Variants in IDH2 observed in about 807,000 individuals in gnomAD.
IDH2 encodes the protein isocitrate dehydrogenase [NADP], mitochondrial.
Under a neutral mutation model 50.5 loss-of-function variants are expected in IDH2, and 18 were observed. The observed-to-expected ratio is 0.36, with a 90% confidence interval of 0.25 to 0.53. The LOEUF is 0.53. IDH2 is among the 20% of genes least tolerant of loss of function. The probability of loss-of-function intolerance (pLI) is 0.92; values close to 1 mark genes in which losing one functional copy is unlikely to be tolerated. For missense variants in IDH2, 518 were observed against 610.7 expected, an observed-to-expected ratio of 0.85 and a Z score of 1.60; for synonymous variants, 280 against 239.8, an observed-to-expected ratio of 1.17 and a Z score of -1.55.
In IDH2 at chr15:90,087,447, G is replaced by T. The variant is rs1900890221; in HGVS notation, c.807C>A (p.Ile269=). ...CATGGATGAGGCTTTACTTGTCAAA[G>T]ATCTCCTGGAAGATGTCCTTGAAAC... ...DGRFKDIFQE[I]FDKHYKTDFD... The change falls in exon 6 of 11, where the codon ATC becomes ATA. Residue 269 remains isoleucine (I), a synonymous_variant. Transcript: ENST00000330062. 1.2e-6 allele frequency: 2 copies of T among 1,614,188 alleles called. No individual in the cohort carries two copies. Among genetic ancestry groups the T allele is most frequent in the East Asian group, 4.5e-5 (2 of 44,886 alleles).
chr15:90,083,358 C>T lies in IDH2; in HGVS notation c.*908G>A, dbSNP rs911893854. 8 of 152,072 alleles carry T rather than the reference C, an allele frequency of 5.3e-5. No homozygotes were observed. Among genetic ancestry groups the T allele is most frequent in the African/African-American group, 1.9e-4 (8 of 41,362 alleles). 9.4% of individuals were successfully genotyped at this position (152,072 alleles called of 1,614,324 possible). A position where few individuals can be genotyped will look rare whatever the true frequency, so the allele number is the denominator to read the frequency against. ...ATGTTGGCCAGGCTGGTCTCGAACTCCTGGCCTCAAGTGATCCACCCACCT... is the reference window on the plus strand; with the variant it reads ...ATGTTGGCCAGGCTGGTCTCGAACTTCTGGCCTCAAGTGATCCACCCACCT... On this transcript the variant is annotated 3_prime_UTR_variant, in exon 11 of 11. Coordinates refer to ENST00000330062, the MANE Select transcript of IDH2 (RefSeq NM_002168.4).
At chr15:90,099,719 A>G (rs768122828) in intron 1 of IDH2, among the ~76,000 whole-genome samples, 29 of 152,040 alleles carry the variant, frequency 1.9e-4, no homozygotes, top group Non-Finnish European at 3.5e-4. Flanking sequence ...CAGCCCCCCA[A>G]AATTCTGGGA....
chr15:90,092,921 C>T lies in IDH2; in HGVS notation c.116-1277G>A, dbSNP rs536585279. On this transcript the variant is annotated intron_variant, in intron 1 of 10. Transcript: ENST00000330062. ...GTAGAGATGGAGTCTTGCCCTGTTG[C>T]CCAGGCTGGCTGGACTCCCCACCCC... 8.8e-4 allele frequency among the ~76,000 whole-genome samples: 134 copies of T among 152,292 alleles called. No individual in the cohort carries two copies. In the South Asian group the frequency reaches 0.015, roughly 17 times the overall value.
At position 90,096,201 on chromosome 15, in the gene IDH2, G is replaced by A. The variant is rs1241545310; in HGVS notation, c.116-4557C>T. Among the ~76,000 whole-genome samples the A allele has an allele frequency of 5.3e-5, 8 of 152,184 alleles. No homozygotes were observed. In the East Asian group the frequency reaches 1.4e-3, roughly 26 times the overall value. On this transcript the variant is annotated intron_variant, in intron 1 of 10. Transcript: ENST00000330062. Reference sequence around the variant, plus strand: ...TGTAGTCCCAGCTATTTGGGAGGCTGAGGCAGGAGAATTGCTTGAACCCAG... The same window carrying A: ...TGTAGTCCCAGCTATTTGGGAGGCTAAGGCAGGAGAATTGCTTGAACCCAG...
rs535989837 is a variant in IDH2, at chr15:90,085,610, T to G, written c.968-223A>C. Among the ~76,000 whole-genome samples, 1 of 152,112 alleles carries G rather than the reference T, an allele frequency of 6.6e-6. No individual in the cohort carries two copies. The highest frequency in any genetic ancestry group is 1.5e-5 in the Non-Finnish European group (1 of 68,008). On this transcript the variant is annotated intron_variant, in intron 7 of 10. Transcript: ENST00000330062. The surrounding 1 kb of genome is among the most constrained non-coding windows in gnomAD (Gnocchi z 5.5). ...GCTGGAGGGCACTGGAGGGTGGCTA[T>G]CACCAGCACATTAACATCCATCTGT...
In IDH2 at chr15:90,083,814, C is replaced by T; in HGVS notation, c.*452G>A. On this transcript the variant is annotated 3_prime_UTR_variant, in exon 11 of 11. Transcript: ENST00000330062. ...GAGTGTCCGAGAACTCCGCAGTGGG[C>T]CCCTGTGGAATGCGGGCTCCCAGGG... The T allele has an allele frequency of 3.7e-6, 1 of 267,432 alleles. No homozygotes were observed. Among genetic ancestry groups the T allele is most frequent in the Non-Finnish European group, 7.3e-6 (1 of 137,536 alleles). 16.6% of individuals were successfully genotyped at this position (267,432 alleles called of 1,614,324 possible).
chr15:90,098,795 C>T lies in IDH2; in HGVS notation c.115+3481G>A, dbSNP rs146433569. 3.6e-3 allele frequency among the ~76,000 whole-genome samples: 543 copies of T among 152,244 alleles called. 3 individuals are homozygous for T. Among genetic ancestry groups the T allele is most frequent in the African/African-American group, 0.012 (511 of 41,546 alleles). On this transcript the variant is annotated intron_variant, in intron 1 of 10. Transcript: ENST00000330062. The surrounding 1 kb of genome is among the most constrained non-coding windows in gnomAD (Gnocchi z 5.1). The stretch of plus-strand genomic sequence containing the variant: ...CTGGCCCCAACTGATCCGCCTGCTT[C>T]GGCCTCCCAAAGTCCTGGGAGCCAC...
In IDH2 at chr15:90,084,911, A is replaced by T. The variant is rs772170724; in HGVS notation, c.1179-3T>A. 2 of 1,613,670 alleles carry T rather than the reference A, an allele frequency of 1.2e-6. No individual in the cohort carries two copies. Among genetic ancestry groups the T allele is most frequent in the Admixed American group, 1.7e-5 (1 of 60,012 alleles). On this transcript the variant is annotated splice_polypyrimidine_tract_variant and splice_region_variant and intron_variant, in intron 9 of 10. Transcript: ENST00000330062. The surrounding 1 kb of genome is among the most constrained non-coding windows in gnomAD (Gnocchi z 5.0). ...CCTTCTCCAGCATCTGGGCAAACCTATGGGGATGGGGCAGAATGAGACCCC... is the reference window on the plus strand; with the variant it reads ...CCTTCTCCAGCATCTGGGCAAACCTTTGGGGATGGGGCAGAATGAGACCCC...
rs757465848 is a variant in IDH2, at chr15:90,085,149, G to C, written c.1081-51C>G. 3 of 1,582,732 alleles carry C rather than the reference G, an allele frequency of 1.9e-6. No homozygotes were observed. Among genetic ancestry groups the C allele is most frequent in the African/African-American group, 2.7e-5 (2 of 74,312 alleles). ...CAAGAGCCGAGCCAGCTAGTGAGGA[G>C]GCTGCCCAGATACAGCTGCCCGCCC... On this transcript the variant is annotated intron_variant, in intron 8 of 10. Transcript: ENST00000330062. This position sits in a 1 kb window ranked among gnomAD's most constrained non-coding sequence, Gnocchi z 5.5.
chr15:90,087,855 T>TA (rs1256407629), intron 5 of IDH2, among the ~76,000 whole-genome samples: 1 of 135,618 alleles, frequency 7.4e-6, no homozygotes, highest in Non-Finnish European at 1.5e-5. Flanking sequence ...AGCACCGCCT[T>TA]AGACTACATG....
rs199610360 is a variant in IDH2, at chr15:90,088,522, G to T, written c.535-20C>A. On this transcript the variant is annotated intron_variant, in intron 4 of 10. Coordinates refer to ENST00000330062, the MANE Select transcript of IDH2 (RefSeq NM_002168.4). ...CTTGTACTGCAGAGACAAGAGGATG[G>T]CTAGGCGAGGAGCTCCAGTCGGGGG... is the stretch of plus-strand genomic sequence containing the variant. 4 of 1,614,220 alleles carry T rather than the reference G, an allele frequency of 2.5e-6. No homozygotes were observed. Among genetic ancestry groups the T allele is most frequent in the East Asian group, 4.5e-5 (2 of 44,886 alleles).
In IDH2 at chr15:90,088,604, G is replaced by A. The variant is rs2151549550; in HGVS notation, c.517C>T (p.His173Tyr). Residue 173 changes from histidine to tyrosine, a missense_variant, in exon 4 of 11, where the codon CAC (histidine) becomes TAC (tyrosine). Physicochemically the swap from His to Tyr is moderately conservative, Grantham distance 83. Around this residue, in one of 5 missense-constraint regions of IDH2, gnomAD observed 207 missense variants for 208.6 expected, o/e 0.99. Coordinates refer to ENST00000330062, the MANE Select transcript of IDH2 (RefSeq NM_002168.4). ...GWTKPITIGR[H>Y]AHGDQYKATD... ...TGGCCTACCTGGTCGCCATGGGCGT[G>A]CCTGCCAATGGTGATGGGCTTGGTC... 6.2e-7 allele frequency: 1 copy of A among 1,614,248 alleles called. No homozygotes were observed. The highest frequency in any genetic ancestry group is 8.5e-7 in the Non-Finnish European group (1 of 1,180,046).
rs1555462236 is a variant in IDH2 at position 90,098,523 on chromosome 15, T to TATGTATGCATGCATGTATGTATGTATGC, written c.115+3752_115+3753insGCATACATACATACATGCATGCATACAT. Among the ~76,000 whole-genome samples the TATGTATGCATGCATGTATGTATGTATGC allele has an allele frequency of 1.4e-3, 123 of 90,212 alleles. 1 individual carries two copies. Among genetic ancestry groups the TATGTATGCATGCATGTATGTATGTATGC allele is most frequent in the Non-Finnish European group, 3.1e-3 (102 of 32,792 alleles). The allele number at this position is 90,212 out of a possible 152,430, so 59.2% of individuals were successfully genotyped here. ...TATTTTATGTATGTATGTATGTATG[T>TATGTATGCATGCATGTATGTATGTATGC]ATGCATGCATGTATGTATGTATGTA... On this transcript the variant is annotated intron_variant, in intron 1 of 10. Transcript: ENST00000330062. The surrounding 1 kb of genome is among the most constrained non-coding windows in gnomAD (Gnocchi z 5.1).
intron 1 of IDH2, among the ~76,000 whole-genome samples, chr15:90,101,839 G>A (rs1415517553): frequency 1.3e-5 from 2 of 151,918 alleles, no homozygotes; most frequent in Non-Finnish European, 2.9e-5. Flanking sequence ...CCCAGCCTTT[G>A]TCTGAGCAGG....
At position 90,098,531 on chromosome 15, in the gene IDH2, CATGTATGT is replaced by C. The variant is rs1555462242; in HGVS notation, c.115+3737_115+3744del. Among the ~76,000 whole-genome samples the C allele has an allele frequency of 3.6e-5, 5 of 138,468 alleles. No individual in the cohort carries two copies. The highest frequency in any genetic ancestry group is 1.4e-4 in the African/African-American group (5 of 36,834). The allele number at this position is 138,468 out of a possible 152,430, so 90.8% of individuals were successfully genotyped here. ...GTATGTATGTATGTATGTATGCATG[CATGTATGT>C]ATGTATGTATGTATGTATGTATTGA... On this transcript the variant is annotated intron_variant, in intron 1 of 10. Coordinates refer to ENST00000330062, the MANE Select transcript of IDH2 (RefSeq NM_002168.4). The surrounding 1 kb of genome is among the most constrained non-coding windows in gnomAD (Gnocchi z 5.1).
rs541648668 is a variant in IDH2, at chr15:90,083,765, A to C, written c.*501T>G. 9.9e-6 allele frequency: 2 copies of C among 202,930 alleles called. No homozygotes were observed. Among genetic ancestry groups the C allele is most frequent in the African/African-American group, 4.6e-5 (2 of 43,194 alleles). 12.6% of individuals were successfully genotyped at this position (202,930 alleles called of 1,614,324 possible). Reference sequence around the variant, plus strand: ...AAACTGGATCATGCTAGAAAATTCCAGGGAACCCACAGGCCTGTGCCCTGA... The same window carrying C: ...AAACTGGATCATGCTAGAAAATTCCCGGGAACCCACAGGCCTGTGCCCTGA... On this transcript the variant is annotated 3_prime_UTR_variant, in exon 11 of 11. Transcript: ENST00000330062.
chr15:90,085,396 T>C lies in IDH2; in HGVS notation c.968-9A>G. On this transcript the variant is annotated splice_polypyrimidine_tract_variant and intron_variant, in intron 7 of 10. Transcript: ENST00000330062. The surrounding 1 kb of genome is among the most constrained non-coding windows in gnomAD (Gnocchi z 5.5). ...GCCAAGGGAGCCAAAGCCTGGAGGG[T>C]AGAAAGCCTTTCTCTCAGGGCCTCG... 1 of 1,545,168 alleles carries C rather than the reference T, an allele frequency of 6.5e-7. No homozygotes were observed. The highest frequency in any genetic ancestry group is 1.2e-5 in the South Asian group (1 of 84,004).
intron 5 of IDH2, among the ~76,000 whole-genome samples, chr15:90,087,777 G>GA (rs1205895079): frequency 1.5e-5 from 2 of 130,052 alleles, no homozygotes; most frequent in African/African-American, 6.0e-5. Flanking sequence ...GTAAAACACC[G>GA]CCTTTTTTTT....
chr15:90,098,563 G>T lies in IDH2; in HGVS notation c.115+3713C>A, dbSNP rs78475710. On this transcript the variant is annotated intron_variant, in intron 1 of 10. Transcript: ENST00000330062. The surrounding 1 kb of genome is among the most constrained non-coding windows in gnomAD (Gnocchi z 5.1). ...GTATGTATGTATGTATGTATGTATTGAGACAGAGTCTCACTCTGTCGCCTA... is the reference window on the plus strand; with the variant it reads ...GTATGTATGTATGTATGTATGTATTTAGACAGAGTCTCACTCTGTCGCCTA... Among the ~76,000 whole-genome samples, 3 of 56,680 alleles carry T rather than the reference G, an allele frequency of 5.3e-5. No homozygotes were observed. Among genetic ancestry groups the T allele is most frequent in the Non-Finnish European group, 8.8e-5 (2 of 22,822 alleles). The allele number at this position is 56,680 out of a possible 152,430, so 37.2% of individuals were successfully genotyped here.
Sources: gnomAD v4.1 joint callset for allele counts (sites outside exome capture counted in the v4.1 genomes callset) on GRCh38, gnomAD v4.1.1 for gene constraint, gnomAD v4.1.1 regional missense constraint, Gnocchi (gnomAD v3.1) non-coding constraint, MANE v1.5 for transcripts, NCBI Gene and HGNC (gene_info 2026-07-23, HGNC 2026-07-21) for gene names.